Variants in LAMA2 observed in about 807,000 individuals in gnomAD.
LAMA2 encodes laminin subunit alpha 2.
LAMA2 carries 269 observed loss-of-function variants against 364.8 expected under a neutral mutation model. That is an observed-to-expected ratio of 0.74 (90% CI 0.67 to 0.82). LAMA2 has a LOEUF of 0.82. Ranked by LOEUF, LAMA2 falls within the 40% of genes least tolerant of loss-of-function variation. The pLI, the probability that LAMA2 is intolerant of heterozygous loss-of-function variation, is 0.00. For synonymous variants in LAMA2, 1,379 were observed against 1,370.6 expected, an observed-to-expected ratio of 1.01 and a Z score of -0.14; for missense variants, 3,807 against 3,873.2, an observed-to-expected ratio of 0.98 and a Z score of 0.45.
rs141747176 is a variant in LAMA2 at position 128,941,493 on chromosome 6, T to C, written c.112+58136T>C. Among the ~76,000 whole-genome samples the C allele has an allele frequency of 2.0e-4, 31 of 152,356 alleles. No individual in the cohort carries two copies. The East Asian group carries it at 5.4e-3, about 27-fold the overall frequency. Reference sequence around the variant, plus strand: ...TTCAATAAACTAATCATGATTTTAGTGAGTATTCTATGAACCCTCACTTAG... The same window carrying C: ...TTCAATAAACTAATCATGATTTTAGCGAGTATTCTATGAACCCTCACTTAG... On this transcript the variant is annotated intron_variant, in intron 1 of 64. Coordinates refer to ENST00000421865, the MANE Select transcript of LAMA2 (RefSeq NM_000426.4).
intron 58 of LAMA2, among the ~76,000 whole-genome samples, chr6:129,497,663 G>A (rs1785295641): frequency 6.6e-6 from 1 of 152,158 alleles, no homozygotes; most frequent in South Asian, 2.1e-4. Context: ...TCTATTCTCA[G>A]TGCCCTTCTT....
At chr6:129,449,665 T>G (rs2114782043) in intron 45 of LAMA2, among the ~76,000 whole-genome samples, 1 of 152,290 alleles carries the variant, frequency 6.6e-6, no homozygotes, top group Admixed American at 6.5e-5. Context: ...TCATATTTGT[T>G]AGATATGTAT....
chr6:129,100,946 T>C (rs1775484816), intron 4 of LAMA2, among the ~76,000 whole-genome samples: 1 of 152,236 alleles, frequency 6.6e-6, no homozygotes, highest in South Asian at 2.1e-4. Context: ...GAGGATATTC[T>C]AAAAGTTTTG....
At position 129,516,409 on chromosome 6, in the gene LAMA2, A is replaced by AAT; in HGVS notation, c.*67_*68dup. ...ACAAGTATATCAAGTAAAACAAACA[A>AAT]ATATATTTTACCTATATATGTTAAT... On this transcript the variant is annotated 3_prime_UTR_variant, in exon 65 of 65. Transcript: ENST00000421865. 6.7e-7 allele frequency: 1 copy of AAT among 1,485,762 alleles called. No homozygotes were observed. Among genetic ancestry groups the AAT allele is most frequent in the Non-Finnish European group, 9.3e-7 (1 of 1,077,708 alleles). 92.0% of individuals were successfully genotyped at this position (1,485,762 alleles called of 1,614,324 possible).
At chr6:129,014,905 G>A (rs929760461) in intron 1 of LAMA2, among the ~76,000 whole-genome samples, 2 of 151,860 alleles carry the variant, frequency 1.3e-5, no homozygotes, top group Non-Finnish European at 2.9e-5. Flanking sequence ...ATTGTCATTA[G>A]ACTCTAATCA....
At chr6:129,407,042 G>T (rs577375772) in intron 40 of LAMA2, among the ~76,000 whole-genome samples, 6 of 152,072 alleles carry the variant, frequency 3.9e-5, no homozygotes, top group Non-Finnish European at 8.8e-5. Context: ...AAAGATGAAG[G>T]CTGGAAGAGT....
At chr6:129,048,473 TTTCTTTCTTTCTTTCTTTCTTTCC>T (rs1486335960) in intron 1 of LAMA2, among the ~76,000 whole-genome samples, 49 of 61,228 alleles carry the variant, frequency 8.0e-4, no homozygotes, top group Admixed American at 1.4e-3. Context: ...TCTTTCTTTC[TTTCTTTCTTTCTTTCTTTCTTTCC>T]TTCCTTCCTT....
chr6:129,413,122 T>C (rs1404764934), intron 40 of LAMA2, among the ~76,000 whole-genome samples: 1 of 152,106 alleles, frequency 6.6e-6, no homozygotes, highest in Non-Finnish European at 1.5e-5. Flanking sequence ...AGATACACTA[T>C]GCAAACTCTA....
intron 55 of LAMA2, among the ~76,000 whole-genome samples, chr6:129,483,126 AATAG>A (rs1784431640): frequency 6.6e-6 from 1 of 151,624 alleles, no homozygotes; most frequent in South Asian, 2.1e-4. Flanking sequence ...TAATCTTGTC[AATAG>A]ATAGTAAAAA....
chr6:129,107,558 C>G (rs2114892823), intron 4 of LAMA2, among the ~76,000 whole-genome samples: 1 of 152,076 alleles, frequency 6.6e-6, no homozygotes, highest in South Asian at 2.1e-4. Flanking sequence ...GGTCTCAGTG[C>G]TAATGTAGGG....
intron 34 of LAMA2, 37 bp downstream of exon 34, chr6:129,370,027 T>C (rs775619694): frequency 2.6e-6 from 4 of 1,536,514 alleles, no homozygotes; most frequent in Non-Finnish European, 3.6e-6. Flanking sequence ...TGAAAGCAGA[T>C]AGATTATGTC....
chr6:128,971,352 C>T (rs1300145016), intron 1 of LAMA2, among the ~76,000 whole-genome samples: 1 of 151,972 alleles, frequency 6.6e-6, no homozygotes, highest in African/African-American at 2.4e-5. Flanking sequence ...TAATTTTATG[C>T]GTAGAGATAA....
At chr6:129,051,438 G>A (rs575985044) in intron 2 of LAMA2, among the ~76,000 whole-genome samples, 2 of 13,264 alleles carry the variant, frequency 1.5e-4, no homozygotes, top group Non-Finnish European at 5.1e-4. Context: ...TCAGCCTCCC[G>A]AGTAGCTGGA....
intron 32 of LAMA2, among the ~76,000 whole-genome samples, chr6:129,358,817 C>T (rs575594943): frequency 5.9e-5 from 9 of 152,032 alleles, no homozygotes; most frequent in East Asian, 1.9e-4. Context: ...TTTTGTGCAA[C>T]GCATCAGTTT....
intron 34 of LAMA2, among the ~76,000 whole-genome samples, chr6:129,382,127 G>C (rs1315518941): frequency 6.6e-6 from 1 of 152,196 alleles, no homozygotes; most frequent in African/African-American, 2.4e-5. Flanking sequence ...GTGTTAATAT[G>C]CTGCCAACTT....
At chr6:129,445,581 T>C (rs1782324345) in intron 44 of LAMA2, 86 bp from the exon 45 acceptor site, 1 of 1,111,244 alleles carries the variant, frequency 9.0e-7, no homozygotes, top group Non-Finnish European at 1.4e-6. Context: ...AAGATGAAAT[T>C]GTTTGGTTAA....
rs550648228 is a variant in LAMA2 at position 129,132,763 on chromosome 6, C to G, written c.640-11138C>G. Reference sequence around the variant, plus strand: ...GGGTAATGGCAACTAACAATAGTTTCTCCTGTGTGCTAGATATTGTTCTAA... The same window carrying G: ...GGGTAATGGCAACTAACAATAGTTTGTCCTGTGTGCTAGATATTGTTCTAA... On this transcript the variant is annotated intron_variant, in intron 4 of 64. Coordinates refer to ENST00000421865, the MANE Select transcript of LAMA2 (RefSeq NM_000426.4). Among the ~76,000 whole-genome samples the G allele has an allele frequency of 2.6e-5, 4 of 152,242 alleles. No homozygotes were observed. The South Asian group carries it at 8.3e-4, about 32-fold the overall frequency.
intron 22 of LAMA2, among the ~76,000 whole-genome samples, chr6:129,312,333 A>G (rs1378157200): frequency 6.6e-6 from 1 of 152,190 alleles, no homozygotes; most frequent in Non-Finnish European, 1.5e-5. Flanking sequence ...CTTCTCTTCA[A>G]GCTCTCCTTG....
rs575934947 is a variant in LAMA2, at chr6:129,507,773, T to C, written c.8857+131T>C. 47 of 903,134 alleles carry C rather than the reference T, an allele frequency of 5.2e-5. No individual in the cohort carries two copies. In the Middle Eastern group the frequency reaches 1.0e-3, roughly 19 times the overall value. The allele number at this position is 903,134 out of a possible 1,614,324, so 55.9% of individuals were successfully genotyped here. On this transcript the variant is annotated intron_variant, in intron 62 of 64. Transcript: ENST00000421865. ...TTTATTTAAGCCAAAAAGAAACTTA[T>C]GGAAGTAATTTCAAAAATGCCTCTT... is the stretch of plus-strand genomic sequence containing the variant.
Sources: gnomAD v4.1 joint callset for allele counts (sites outside exome capture counted in the v4.1 genomes callset) on GRCh38, gnomAD v4.1.1 for gene constraint, MANE v1.5 for transcripts, NCBI Gene and HGNC (gene_info 2026-07-23, HGNC 2026-07-21) for gene names.